Variants in KCNT1 observed in about 807,000 individuals in gnomAD.
KCNT1 encodes potassium sodium-activated channel subfamily T member 1, also known as potassium channel subfamily T member 1.
KCNT1 carries 78 observed loss-of-function variants against 147.8 expected under a neutral mutation model. The ratio of observed to expected loss-of-function variants is 0.53; its 90% CI spans 0.44 to 0.64. The LOEUF (loss-of-function observed/expected upper bound fraction) is 0.64. KCNT1 is among the 30% of genes least tolerant of loss of function. The probability of loss-of-function intolerance (pLI) is 0.00; values close to 1 mark genes in which losing one functional copy is unlikely to be tolerated. For missense variants in KCNT1, 1,419 were observed against 1,750.3 expected, an observed-to-expected ratio of 0.81 and a Z score of 3.38; for synonymous variants, 867 against 748.8, an observed-to-expected ratio of 1.16 and a Z score of -2.58.
chr9:135,742,719 C>G, intron 2 of KCNT1: 1 of 717,166 alleles, frequency 1.4e-6, no homozygotes, highest in Non-Finnish European at 2.6e-6. Context: ...GCTGCCTTCT[C>G]CATCTGTCCA....
intron 2 of KCNT1, among the ~76,000 whole-genome samples, chr9:135,726,595 C>T (rs1326861449): frequency 1.3e-5 from 2 of 152,080 alleles, no homozygotes; most frequent in African/African-American, 4.8e-5. Flanking sequence ...CCAGATCAGA[C>T]TCTGCCAAGG....
At chr9:135,779,611 G>T (rs1833460389) in intron 24 of KCNT1, 141 bp downstream of exon 24, 1 of 659,486 alleles carries the variant, frequency 1.5e-6, no homozygotes, top group Non-Finnish European at 2.7e-6. Flanking sequence ...GAGATGGCGT[G>T]GGGGGCCCAG....
rs550447485 is a variant in KCNT1 at position 135,772,810 on chromosome 9, G to A, written c.2104G>A (p.Gly702Ser). Residue 702 changes from glycine (G) to serine (S), a missense_variant, in exon 19 of 31, where the codon GGC (glycine) becomes AGC (serine). Around this residue, in one of 5 missense-constraint regions of KCNT1, gnomAD observed 284 missense variants for 292.8 expected, o/e 0.97. Transcript: ENST00000371757. ...CAAGCTGGCACTGCCCACGGAGAAC[G>A]GCTCGGGCAGCCGGCGGCCCAGCAT... The part of the protein sequence containing the change: ...GSKLALPTEN[G>S]SGSRRPSIAP... The A allele has an allele frequency of 4.7e-5, 72 of 1,516,248 alleles. No homozygotes were observed. Among genetic ancestry groups the A allele is most frequent in the Admixed American group, 1.7e-4 (8 of 47,498 alleles). The allele number at this position is 1,516,248 out of a possible 1,614,324, so 93.9% of individuals were successfully genotyped here.
At chr9:135,784,932 C>G in intron 27 of KCNT1, 43 bp downstream of exon 27, 1 of 1,594,692 alleles carries the variant, frequency 6.3e-7, no homozygotes, top group Non-Finnish European at 8.5e-7. Context: ...CAGCCCCTGT[C>G]CTGTGTGACC....
intron 2 of KCNT1, among the ~76,000 whole-genome samples, chr9:135,748,974 GGAGGACA>G (rs1397633817): frequency 6.6e-6 from 1 of 152,224 alleles, no homozygotes; most frequent in East Asian, 1.9e-4. Context: ...AGGGTCCCAT[GGAGGACA>G]GCCCAGCACC....
intron 2 of KCNT1, among the ~76,000 whole-genome samples, chr9:135,719,985 A>T (rs187729622): frequency 6.6e-6 from 1 of 152,212 alleles, no homozygotes; most frequent in Non-Finnish European, 1.5e-5. Flanking sequence ...ATTTTTTCAC[A>T]CAACAAGCTG....
At position 135,771,085 on chromosome 9, in the gene KCNT1, C is replaced by A. The variant is rs368777569; in HGVS notation, c.1998C>A (p.Ile666=). 6.2e-7 allele frequency: 1 copy of A among 1,610,878 alleles called. No individual in the cohort carries two copies. The highest frequency in any genetic ancestry group is 1.7e-5 in the Admixed American group (1 of 59,716). The change falls in exon 18 of 31, where the codon ATC becomes ATA. Residue 666 remains isoleucine, a synonymous_variant. Transcript: ENST00000371757. ...GPARLPVHSI[I]ASMGTVAMDL... ...CCCGCCTGCCCGTGCACAGCATCAT[C>A]GCCTCCATGGGTGAGCCGGGACAGG... is the stretch of plus-strand genomic sequence containing the variant.
intron 18 of KCNT1, among the ~76,000 whole-genome samples, chr9:135,772,222 C>G (rs1328518975): frequency 6.6e-6 from 1 of 152,142 alleles, no homozygotes; most frequent in Non-Finnish European, 1.5e-5. Flanking sequence ...CTCGGGCAAC[C>G]CTCACTGTAC....
At chr9:135,717,726 C>T (rs975758035) in intron 2 of KCNT1, among the ~76,000 whole-genome samples, 4 of 152,186 alleles carry the variant, frequency 2.6e-5, no homozygotes, top group African/African-American at 9.6e-5. Flanking sequence ...CCTAGGAGCC[C>T]GGGGAACCCC....
chr9:135,761,517 A>C (rs1395549096), intron 11 of KCNT1, among the ~76,000 whole-genome samples: 1 of 152,206 alleles, frequency 6.6e-6, no homozygotes, highest in African/African-American at 2.4e-5. Flanking sequence ...TCTCACCTCA[A>C]ATTCTTTACC....
At chr9:135,707,875 T>C (rs1254080358) in intron 1 of KCNT1, among the ~76,000 whole-genome samples, 1 of 152,222 alleles carries the variant, frequency 6.6e-6, no homozygotes, top group African/African-American at 2.4e-5. Context: ...CCATGTGTTC[T>C]GAGCTTTCAC....
At chr9:135,781,694 T>A (rs1833621817) in intron 24 of KCNT1, among the ~76,000 whole-genome samples, 1 of 150,994 alleles carries the variant, frequency 6.6e-6, no homozygotes, top group South Asian at 2.1e-4. Context: ...GCCAACATCT[T>A]CTACATCCAG....
At chr9:135,785,275 C>G in intron 27 of KCNT1, 35 bp from the exon 28 acceptor site, 3 of 1,611,888 alleles carry the variant, frequency 1.9e-6, no homozygotes, top group Non-Finnish European at 2.5e-6. Flanking sequence ...AGGGGTGCGC[C>G]CACAGGTCCC....
At chr9:135,754,552 G>T (rs965183897) in intron 5 of KCNT1, among the ~76,000 whole-genome samples, 1 of 152,192 alleles carries the variant, frequency 6.6e-6, no homozygotes, top group Non-Finnish European at 1.5e-5. Context: ...AACCTGCAAG[G>T]CATGTCCCCA....
chr9:135,735,110 G>A (rs1183713727), intron 2 of KCNT1, among the ~76,000 whole-genome samples: 4 of 152,190 alleles, frequency 2.6e-5, no homozygotes, highest in Non-Finnish European at 2.9e-5. Context: ...GAGGGTACTC[G>A]TGCTTTGCAG....
In KCNT1 at chr9:135,755,155, CTG is replaced by C. The variant is rs1471890477; in HGVS notation, c.529_530del (p.Trp177GlyfsTer77). 1.2e-6 allele frequency: 2 copies of C among 1,612,194 alleles called. No individual in the cohort carries two copies. Among genetic ancestry groups the C allele is most frequent in the Non-Finnish European group, 1.7e-6 (2 of 1,178,992 alleles). On this transcript the variant is annotated frameshift_variant, in exon 6 of 31. Coordinates refer to ENST00000371757, the MANE Select transcript of KCNT1 (RefSeq NM_020822.3). LOFTEE classifies it high-confidence loss of function. ...PILWVERKMTLWAIQVIVAII... is the reference protein window; with the variant it reads ...PILWVERKMTXWAIQVIVAII... ...TCTGTGGGTGGAGAGAAAGATGACACTGTGGGCGATCCAGGTGAGTGCCCTAC... is the reference window on the plus strand; with the variant it reads ...TCTGTGGGTGGAGAGAAAGATGACACTGGGCGATCCAGGTGAGTGCCCTAC...
At chr9:135,758,329 T>C (rs1206792497) in intron 9 of KCNT1, 85 bp from the exon 10 acceptor site, 5 of 1,034,698 alleles carry the variant, frequency 4.8e-6, no homozygotes, top group Non-Finnish European at 7.3e-6. Context: ...GCCGTCTGCT[T>C]TCCACTGTCC....
chr9:135,781,941 C>T (rs991286006), intron 24 of KCNT1, among the ~76,000 whole-genome samples: 1 of 152,140 alleles, frequency 6.6e-6, no homozygotes. Context: ...TGGCTGGGGG[C>T]GGTGGCTCAT....
intron 2 of KCNT1, among the ~76,000 whole-genome samples, chr9:135,733,294 C>T (rs1328499992): frequency 9.0e-6 from 1 of 110,958 alleles, no homozygotes; most frequent in Non-Finnish European, 1.9e-5. Flanking sequence ...CCACACCTGC[C>T]CCTGCACCTC....
Sources: gnomAD v4.1 joint callset for allele counts (sites outside exome capture counted in the v4.1 genomes callset) on GRCh38, gnomAD v4.1.1 for gene constraint, gnomAD v4.1.1 regional missense constraint, MANE v1.5 for transcripts, NCBI Gene and HGNC (gene_info 2026-07-23, HGNC 2026-07-21) for gene names.